The following WWOX variants were observed in gnomAD, a reference collection of about 807,000 sequenced individuals.
WWOX encodes WW domain containing oxidoreductase.
A neutral mutation model predicts 46.2 loss-of-function variants in WWOX; 69 were observed. The ratio of observed to expected loss-of-function variants is 1.49; its 90% CI spans 1.23 to 1.82. The LOEUF (loss-of-function observed/expected upper bound fraction) is 1.82. WWOX is among the 40% of genes most tolerant of loss of function. The pLI is 0.00. For missense variants in WWOX, 919 were observed against 542.6 expected, an observed-to-expected ratio of 1.69 and a Z score of -6.89; for synonymous variants, 359 against 202.6, an observed-to-expected ratio of 1.77 and a Z score of -6.56.
At chr16:78,716,089 A>C (rs944880238) in intron 8 of WWOX, among the ~76,000 whole-genome samples, 1 of 152,178 alleles carries the variant, frequency 6.6e-6, no homozygotes, top group South Asian at 2.1e-4. Flanking sequence ...TCAGACAGTC[A>C]CATTGAAATG....
chr16:79,144,239 C>G (rs549855717), intron 8 of WWOX, among the ~76,000 whole-genome samples: 63 of 152,306 alleles, frequency 4.1e-4, no homozygotes, highest in African/African-American at 1.3e-3. Flanking sequence ...GGATTTTCAT[C>G]CCAGCTCTCC....
chr16:78,482,176 G>C (rs17776774), intron 8 of WWOX, among the ~76,000 whole-genome samples: 12,342 of 152,154 alleles, frequency 0.081, 673 homozygotes, highest in Admixed American at 0.18. Flanking sequence ...GCCCTCATTA[G>C]TGAAGCAGAG....
intron 8 of WWOX, among the ~76,000 whole-genome samples, chr16:78,549,283 A>G (rs2044121062): frequency 6.6e-6 from 1 of 152,234 alleles, no homozygotes; most frequent in Admixed American, 6.5e-5. Flanking sequence ...TCAGATATAT[A>G]AAGCTTATTT....
chr16:79,061,947 C>T (rs116798221), intron 8 of WWOX, among the ~76,000 whole-genome samples: 133 of 152,326 alleles, frequency 8.7e-4, no homozygotes, highest in African/African-American at 3.0e-3. Context: ...AGTGGGACTT[C>T]AGACGCTAGC....
chr16:78,438,132 C>A (rs901376829), intron 8 of WWOX, among the ~76,000 whole-genome samples: 7 of 152,142 alleles, frequency 4.6e-5, no homozygotes, highest in Non-Finnish European at 8.8e-5. Context: ...TGACCATTTT[C>A]CCAGATACCA....
chr16:78,667,739 C>T (rs142479946), intron 8 of WWOX, among the ~76,000 whole-genome samples: 7 of 150,994 alleles, frequency 4.6e-5, no homozygotes, highest in Non-Finnish European at 8.9e-5. Context: ...ACCCATTACT[C>T]TGCTCATTGT....
At position 79,211,819 on chromosome 16, in the gene WWOX, A is replaced by T; in HGVS notation, c.*23A>T. 1 of 1,613,676 alleles carries T rather than the reference A, an allele frequency of 6.2e-7. No individual in the cohort carries two copies. The highest frequency in any genetic ancestry group is 8.5e-7 in the Non-Finnish European group (1 of 1,179,910). On this transcript the variant is annotated 3_prime_UTR_variant, in exon 9 of 9. Transcript: ENST00000566780. ...TAAGTGGAGCTCAGAGCGGATGGGC[A>T]CACACACCCGCCCTGTGTGTGTCCC...
chr16:78,712,661 T>G (rs932266816), intron 8 of WWOX, among the ~76,000 whole-genome samples: 4 of 152,100 alleles, frequency 2.6e-5, no homozygotes, highest in Non-Finnish European at 5.9e-5. Context: ...AGCTAATAGA[T>G]AGTATTAAGA....
intron 5 of WWOX, among the ~76,000 whole-genome samples, chr16:78,334,601 A>G (rs534350512): frequency 4.6e-5 from 7 of 152,298 alleles, no homozygotes; most frequent in South Asian, 2.1e-4. Flanking sequence ...CCCAAACAGA[A>G]CATAGAGTTG....
intron 8 of WWOX, among the ~76,000 whole-genome samples, chr16:78,654,034 A>C (rs911703174): frequency 1.3e-5 from 2 of 152,232 alleles, no homozygotes; most frequent in African/African-American, 4.8e-5. Context: ...AACCCCAACT[A>C]TTGCAGAAAT....
intron 8 of WWOX, among the ~76,000 whole-genome samples, chr16:78,616,353 C>G (rs151311568): frequency 0.01 from 1,575 of 152,176 alleles, 31 homozygotes; most frequent in African/African-American, 0.037. Context: ...CTGAGAAGTC[C>G]AAGAGGAAGG....
chr16:78,690,668 C>G (rs915404202), intron 8 of WWOX, among the ~76,000 whole-genome samples: 2 of 101,576 alleles, frequency 2.0e-5, no homozygotes, highest in African/African-American at 6.0e-5. Flanking sequence ...TACTCCCAAC[C>G]TGGTTCTTTG....
intron 8 of WWOX, among the ~76,000 whole-genome samples, chr16:78,688,598 C>T (rs2047915323): frequency 6.6e-6 from 1 of 152,152 alleles, no homozygotes; most frequent in Admixed American, 6.5e-5. Context: ...GCCATCCTTC[C>T]AGCCACTGCT....
chr16:78,221,079 T>TC (rs2151797765), intron 5 of WWOX, among the ~76,000 whole-genome samples: 1 of 152,316 alleles, frequency 6.6e-6, no homozygotes, highest in South Asian at 2.1e-4. Flanking sequence ...ATATATCACA[T>TC]CACAGAGTTA....
At chr16:78,594,777 G>A (rs1437946585) in intron 8 of WWOX, among the ~76,000 whole-genome samples, 1 of 151,970 alleles carries the variant, frequency 6.6e-6, no homozygotes, top group African/African-American at 2.4e-5. Flanking sequence ...ATTTTATTTA[G>A]CATTCAGAAA....
intron 8 of WWOX, among the ~76,000 whole-genome samples, chr16:78,944,564 A>G (rs2045913670): frequency 6.6e-6 from 1 of 152,182 alleles, no homozygotes; most frequent in East Asian, 1.9e-4. Context: ...AGTTTCGTAC[A>G]CATCTATGTA....
At chr16:78,189,400 A>G (rs1024865201) in intron 5 of WWOX, among the ~76,000 whole-genome samples, 2 of 152,152 alleles carry the variant, frequency 1.3e-5, no homozygotes, top group Non-Finnish European at 2.9e-5. Flanking sequence ...CCTTGTCTCC[A>G]TCGCTGTCTT....
chr16:78,105,920 G>C (rs2032110746), intron 1 of WWOX, among the ~76,000 whole-genome samples: 1 of 152,158 alleles, frequency 6.6e-6, no homozygotes, highest in African/African-American at 2.4e-5. Context: ...TCATGCCTCA[G>C]CCACTCAAGT....
chr16:78,284,845 A>G (rs2079740881), intron 5 of WWOX, among the ~76,000 whole-genome samples: 1 of 152,210 alleles, frequency 6.6e-6, no homozygotes. Context: ...CAAGAGTCAT[A>G]CGATATTTGA....
Sources: gnomAD v4.1 joint callset for allele counts (sites outside exome capture counted in the v4.1 genomes callset) on GRCh38, gnomAD v4.1.1 for gene constraint, MANE v1.5 for transcripts, NCBI Gene and HGNC (gene_info 2026-07-23, HGNC 2026-07-21) for gene names.